Variants in CDH10 observed in about 807,000 individuals in gnomAD.
CDH10 encodes cadherin 10.
A neutral mutation model predicts 73.1 loss-of-function variants in CDH10; 30 were observed. The observed-to-expected ratio is 0.41, with a 90% CI of 0.31 to 0.56. CDH10 has a LOEUF of 0.56. Ranked by LOEUF, CDH10 falls within the 20% of genes least tolerant of loss-of-function variation. The pLI is 0.27. For synonymous variants in CDH10, 345 were observed against 348.2 expected (o/e 0.99, Z 0.10); for missense variants, 815 against 973.7 (o/e 0.84, Z 2.17).
At chr5:24,601,974 T>C (rs562265917) in intron 1 of CDH10, among the ~76,000 whole-genome samples, 2 of 152,304 alleles carry the variant, frequency 1.3e-5, no homozygotes, top group South Asian at 4.1e-4. Flanking sequence ...GTAGGTTTTA[T>C]GACCACCCAC....
At chr5:24,628,147 G>A (rs1309217186) in intron 1 of CDH10, among the ~76,000 whole-genome samples, 1 of 152,112 alleles carries the variant, frequency 6.6e-6, no homozygotes, top group African/African-American at 2.4e-5. Context: ...TTACACAGAT[G>A]AGCCTGAACT....
intron 2 of CDH10, among the ~76,000 whole-genome samples, chr5:24,587,488 T>C (rs996654920): frequency 3.9e-5 from 6 of 152,168 alleles, no homozygotes; most frequent in Non-Finnish European, 8.8e-5. Flanking sequence ...CCATGCTTCA[T>C]TGCCATTACA....
chr5:24,537,340 A>G (rs2111891333), intron 3 of CDH10, 40 bp downstream of exon 3: 1 of 1,392,226 alleles, frequency 7.2e-7, no homozygotes. Context: ...TTTTTAAAAC[A>G]CTTTTTGAAT....
At chr5:24,530,525 C>A (rs2111856423) in intron 5 of CDH10, among the ~76,000 whole-genome samples, 1 of 151,784 alleles carries the variant, frequency 6.6e-6, no homozygotes, top group African/African-American at 2.4e-5. Context: ...GTGAAAATAC[C>A]AGGCAGATAG....
chr5:24,523,403 T>C (rs965299695), intron 5 of CDH10, among the ~76,000 whole-genome samples: 1 of 152,122 alleles, frequency 6.6e-6, no homozygotes, highest in Non-Finnish European at 1.5e-5. Flanking sequence ...AAAAATTGTT[T>C]TTAAAAATTA....
chr5:24,555,573 T>C (rs889721305), intron 2 of CDH10, among the ~76,000 whole-genome samples: 5 of 152,080 alleles, frequency 3.3e-5, no homozygotes, highest in Non-Finnish European at 5.9e-5. Flanking sequence ...ACTGATCATA[T>C]AGTGGGTCAG....
At chr5:24,501,303 T>C (rs12519158) in intron 8 of CDH10, among the ~76,000 whole-genome samples, 24,540 of 152,122 alleles carry the variant, frequency 0.16, 2,057 homozygotes, top group Admixed American at 0.21. Flanking sequence ...TTACAAATAA[T>C]TCAAGGCTCT....
intron 2 of CDH10, among the ~76,000 whole-genome samples, chr5:24,566,961 AGAATATATAAACTCTT>A (rs1745186823): frequency 6.6e-6 from 1 of 152,120 alleles, no homozygotes; most frequent in African/African-American, 2.4e-5. Flanking sequence ...TCTTATATCC[AGAATATATAAACTCTT>A]ATAACACAAT....
chr5:24,516,669 T>C (rs1360136867), intron 5 of CDH10, among the ~76,000 whole-genome samples: 1 of 152,042 alleles, frequency 6.6e-6, no homozygotes, highest in African/African-American at 2.4e-5. Flanking sequence ...CAAATCCTTC[T>C]AGATTCAGCC....
At chr5:24,579,784 G>C (rs1745728343) in intron 2 of CDH10, among the ~76,000 whole-genome samples, 1 of 151,892 alleles carries the variant, frequency 6.6e-6, no homozygotes, top group Non-Finnish European at 1.5e-5. Context: ...CCATACACAT[G>C]TCTTAATGAG....
At chr5:24,581,186 C>A (rs1431540888) in intron 2 of CDH10, among the ~76,000 whole-genome samples, 1 of 152,174 alleles carries the variant, frequency 6.6e-6, no homozygotes, top group African/African-American at 2.4e-5. Flanking sequence ...TCTTCTCCTA[C>A]CACTTTCCTC....
chr5:24,579,043 T>G (rs1318294549), intron 2 of CDH10, among the ~76,000 whole-genome samples: 3 of 151,966 alleles, frequency 2.0e-5, no homozygotes, highest in Non-Finnish European at 4.4e-5. Flanking sequence ...AAATATTATT[T>G]AAGGTAATCA....
At chr5:24,617,172 T>C (rs937006722) in intron 1 of CDH10, among the ~76,000 whole-genome samples, 3 of 152,076 alleles carry the variant, frequency 2.0e-5, no homozygotes, top group African/African-American at 4.8e-5. Context: ...ATCTTGTGCA[T>C]TGTAGGATGG....
intron 3 of CDH10, among the ~76,000 whole-genome samples, chr5:24,536,783 T>A (rs1227245992): frequency 6.6e-6 from 1 of 152,020 alleles, no homozygotes; most frequent in Non-Finnish European, 1.5e-5. Context: ...TAATTCTGTA[T>A]CAGTATGTAT....
chr5:24,614,227 T>C (rs1030365978), intron 1 of CDH10, among the ~76,000 whole-genome samples: 1 of 152,204 alleles, frequency 6.6e-6, no homozygotes, highest in African/African-American at 2.4e-5. Flanking sequence ...GGATAGGCTA[T>C]ATCCTTGCAA....
At chr5:24,640,533 GAAA>G (rs70965623) in intron 1 of CDH10, among the ~76,000 whole-genome samples, 2 of 143,646 alleles carry the variant, frequency 1.4e-5, no homozygotes, top group African/African-American at 5.1e-5. Flanking sequence ...CTACTTTCTT[GAAA>G]AAAAAAAAGA....
At chr5:24,514,539 C>G (rs971725275) in intron 5 of CDH10, among the ~76,000 whole-genome samples, 1 of 152,246 alleles carries the variant, frequency 6.6e-6, no homozygotes, top group East Asian at 1.9e-4. Context: ...ATTGCAAGAA[C>G]TCTCTTTAAA....
chr5:24,556,906 C>CTA (rs1455603724), intron 2 of CDH10, among the ~76,000 whole-genome samples: 2 of 151,696 alleles, frequency 1.3e-5, no homozygotes, highest in Admixed American at 1.3e-4. Context: ...AAAAGTATTT[C>CTA]TATATATATT....
At chr5:24,533,264 T>C (rs923940557) in intron 5 of CDH10, among the ~76,000 whole-genome samples, 1 of 151,646 alleles carries the variant, frequency 6.6e-6, no homozygotes, top group East Asian at 1.9e-4. Flanking sequence ...GAGGTGGAGG[T>C]TGCAGTGAGC....
Sources: allele counts gnomAD v4.1 joint callset (sites outside exome capture counted in the v4.1 genomes callset), GRCh38; gene constraint gnomAD v4.1.1; transcripts MANE v1.5; gene names NCBI Gene and HGNC (gene_info 2026-07-23, HGNC 2026-07-21).